HECA: variants seen among roughly 807,000 people sequenced by gnomAD.
HECA encodes HECA ribonucleoprotein granule regulator.
In HECA, 13 loss-of-function variants were observed where a neutral mutation model predicts 37.6. The observed-to-expected ratio is 0.35, with a 90% confidence interval of 0.23 to 0.55. The LOEUF is 0.55. Among genes scored for constraint, HECA ranks in the 20% least tolerant of loss-of-function variants. HECA has a pLI of 0.90. For synonymous variants in HECA, 307 were observed against 291.5 expected (o/e 1.05, Z -0.54); for missense variants, 527 against 701.9 (o/e 0.75, Z 2.82).
chr6:139,177,009 C>T lies in HECA; in HGVS notation c.1536C>T (p.Ser512=), dbSNP rs112297548. The T allele has an allele frequency of 6.9e-6, 6 of 872,750 alleles. No homozygotes were observed. The highest frequency in any genetic ancestry group is 1.6e-5 in the African/African-American group (1 of 61,398). The allele number at this position is 872,750 out of a possible 1,614,324, so 54.1% of individuals were successfully genotyped here. ...IDVRIGMQYF[S]EYSNVQQCPH... ...TGAGGATCGGGATGCAGTACTTCTCCGAATATAGCAACGTCCAGCAGTGTC... is the reference window on the plus strand; with the variant it reads ...TGAGGATCGGGATGCAGTACTTCTCTGAATATAGCAACGTCCAGCAGTGTC... The change falls in exon 4 of 4, where the codon TCC becomes TCT. Residue 512 remains serine (S), a synonymous_variant. Transcript: ENST00000367658. The surrounding 1 kb of genome is among the most constrained non-coding windows in gnomAD (Gnocchi z 4.9).
At chr6:139,149,038 A>G (rs1417846188) in intron 1 of HECA, among the ~76,000 whole-genome samples, 2 of 152,230 alleles carry the variant, frequency 1.3e-5, no homozygotes, top group Non-Finnish European at 2.9e-5. Flanking sequence ...TAAGTTGCTT[A>G]TGATAACAGA....
chr6:139,144,533 C>G (rs763141933), intron 1 of HECA: 1 of 152,590 alleles, frequency 6.6e-6, no homozygotes, highest in Non-Finnish European at 1.5e-5. Context: ...GTGTCAGGTG[C>G]CGTGGTAGGA....
rs754400708 is a variant in HECA at position 139,167,033 on chromosome 6, G to A, written c.1021G>A (p.Val341Met). Residue 341 changes from valine (V) to methionine (M), a missense_variant, in exon 2 of 4, where the codon GTG becomes ATG. Transcript: ENST00000367658. ...CAGGGGGGGACACTTCGACACCCCC[G>A]TGCAGTTCCTTCGGCGGCTGGACCT... ...VHRGGHFDTP[V>M]QFLRRLDLSE... 3.7e-6 allele frequency: 6 copies of A among 1,614,174 alleles called. No homozygotes were observed. The highest frequency in any genetic ancestry group is 2.2e-5 in the East Asian group (1 of 44,878).
intron 2 of HECA, among the ~76,000 whole-genome samples, chr6:139,167,579 A>G (rs1368188762): frequency 6.6e-6 from 1 of 152,130 alleles, no homozygotes; most frequent in Non-Finnish European, 1.5e-5. Flanking sequence ...TTGCCGGTGT[A>G]TGGTTTTGCA....
At chr6:139,142,713 C>T (rs55992635) in intron 1 of HECA, among the ~76,000 whole-genome samples, 4,280 of 152,142 alleles carry the variant, frequency 0.028, 77 homozygotes, top group East Asian at 0.054. Flanking sequence ...TTTTGGAGGC[C>T]GAGACGGGCG....
At chr6:139,175,476 T>G (rs1295705680) in intron 3 of HECA, among the ~76,000 whole-genome samples, 1 of 152,240 alleles carries the variant, frequency 6.6e-6, no homozygotes, top group Non-Finnish European at 1.5e-5. Context: ...TATTGTGCCT[T>G]GATGCCAGCT....
chr6:139,156,175 G>T (rs550236483), intron 1 of HECA, among the ~76,000 whole-genome samples: 4 of 151,714 alleles, frequency 2.6e-5, no homozygotes, highest in African/African-American at 9.7e-5. Context: ...TACATTCACT[G>T]TTACAATTTA....
At chr6:139,135,867 G>T (rs1363090434) in intron 1 of HECA, among the ~76,000 whole-genome samples, 200 bp downstream of exon 1, 1 of 151,670 alleles carries the variant, frequency 6.6e-6, no homozygotes, top group Admixed American at 6.6e-5. Context: ...CCTGCCCGGT[G>T]TCCGCGCGGG....
chr6:139,174,407 C>T lies in HECA; in HGVS notation c.1335C>T (p.Ala445=), dbSNP rs373854251. 9.3e-6 allele frequency: 15 copies of T among 1,613,640 alleles called. No homozygotes were observed. Among genetic ancestry groups the T allele is most frequent in the African/African-American group, 8.0e-5 (6 of 74,834 alleles). ...CAGGGAGACTCATGCATCTGTATGCCGTGTGCGTGGACTGCCTGGAAGGGG... is the reference window on the plus strand; with the variant it reads ...CAGGGAGACTCATGCATCTGTATGCTGTGTGCGTGGACTGCCTGGAAGGGG... The part of the protein sequence containing the change: ...HLQGRLMHLY[A]VCVDCLEGVH... Residue 445 remains alanine (A), a synonymous_variant, in exon 3 of 4, where the codon GCC becomes GCT. Transcript: ENST00000367658.
At chr6:139,172,273 G>A (rs1313177511) in intron 2 of HECA, among the ~76,000 whole-genome samples, 1 of 152,168 alleles carries the variant, frequency 6.6e-6, no homozygotes, top group African/African-American at 2.4e-5. Flanking sequence ...CTGATCATGT[G>A]TTTTTTAAAG....
At position 139,137,631 on chromosome 6, in the gene HECA, C is replaced by CTTTT. The variant is rs34487492; in HGVS notation, c.271+1978_271+1981dup. On this transcript the variant is annotated intron_variant, in intron 1 of 3. Transcript: ENST00000367658. The stretch of plus-strand genomic sequence containing the variant: ...GCTCTGCCCACCCCCCTACCAGCTC[C>CTTTT]TTTTTTTTTTTTTTTTTGGCCTATG... Among the ~76,000 whole-genome samples, 135 of 123,648 alleles carry CTTTT rather than the reference C, an allele frequency of 1.1e-3. 1 individual carries two copies. Among genetic ancestry groups the CTTTT allele is most frequent in the African/African-American group, 3.5e-3 (112 of 31,816 alleles). 81.1% of individuals were successfully genotyped at this position (123,648 alleles called of 152,430 possible).
rs868064784 is a variant in HECA at position 139,167,309 on chromosome 6, C to A, written c.1297C>A (p.Pro433Thr). Residue 433 changes from proline to threonine, a missense_variant, in exon 2 of 4, where the codon CCT becomes ACT. By Grantham distance (38) the Pro-to-Thr change is conservative (BLOSUM62 -1). Transcript: ENST00000367658. ...SRHDEIEYDVPCHLQGRLMHL... is the reference protein window; with the variant it reads ...SRHDEIEYDVTCHLQGRLMHL... ...ACATGATGAGATCGAATATGATGTTCCTTGTCACCTTCAAGGTATAGGTGT... is the reference window on the plus strand; with the variant it reads ...ACATGATGAGATCGAATATGATGTTACTTGTCACCTTCAAGGTATAGGTGT... The A allele has an allele frequency of 3.8e-6, 6 of 1,592,284 alleles. No homozygotes were observed. In the African/African-American group the frequency reaches 6.7e-5, roughly 18 times the overall value.
rs1242803086 is a variant in HECA at position 139,135,642 on chromosome 6, T to C, written c.246T>C (p.Ala82=). 9.2e-6 allele frequency: 9 copies of C among 973,620 alleles called. No homozygotes were observed. Among genetic ancestry groups the C allele is most frequent in the African/African-American group, 1.8e-5 (1 of 55,824 alleles). The allele number at this position is 973,620 out of a possible 1,614,324, so 60.3% of individuals were successfully genotyped here. A position where few individuals can be genotyped will look rare whatever the true frequency, so the allele number is the denominator to read the frequency against. The change falls in exon 1 of 4, where the codon GCT becomes GCC. Residue 82 remains alanine, a synonymous_variant. Coordinates refer to ENST00000367658, the MANE Select transcript of HECA (RefSeq NM_016217.3). ...GAANAAAAAG[A]AAAGDAKNEA... is the part of the protein sequence containing the mutation. ...CGAACGCTGCGGCCGCCGCGGGGGC[T>C]GCGGCCGCGGGCGATGCCAAAAACG...
intron 1 of HECA, among the ~76,000 whole-genome samples, chr6:139,161,628 T>G (rs1028186900): frequency 2.6e-5 from 4 of 152,238 alleles, no homozygotes; most frequent in African/African-American, 9.6e-5. Context: ...TTTCCTCTCT[T>G]AATCCACCTT....
chr6:139,171,727 A>G (rs774643619), intron 2 of HECA, among the ~76,000 whole-genome samples: 3 of 152,158 alleles, frequency 2.0e-5, no homozygotes, highest in African/African-American at 7.2e-5. Context: ...GCTGAGCTCA[A>G]GCAGTCCTCC....
At position 139,164,080 on chromosome 6, in the gene HECA, A is replaced by T. The variant is rs199775174; in HGVS notation, c.272-2204A>T. Among the ~76,000 whole-genome samples, 826 of 148,098 alleles carry T rather than the reference A, an allele frequency of 5.6e-3. 3 individuals carry two copies. Among genetic ancestry groups the T allele is most frequent in the Non-Finnish European group, 8.2e-3 (548 of 66,972 alleles). ...CACACACACACAAACACACACACACACTCTCTCTCTCTCTCTCTCTGAGCA... is the reference window on the plus strand; with the variant it reads ...CACACACACACAAACACACACACACTCTCTCTCTCTCTCTCTCTCTGAGCA... On this transcript the variant is annotated intron_variant, in intron 1 of 3. Transcript: ENST00000367658.
chr6:139,137,925 T>C (rs2114430510), intron 1 of HECA, among the ~76,000 whole-genome samples: 1 of 152,234 alleles, frequency 6.6e-6, no homozygotes, highest in East Asian at 1.9e-4. Context: ...AACATTCCCA[T>C]AGTCAGGGTC....
chr6:139,144,657 G>C (rs1334882438), intron 1 of HECA: 6 of 152,298 alleles, frequency 3.9e-5, no homozygotes, highest in Non-Finnish European at 8.8e-5. Flanking sequence ...ATTTGAAAAG[G>C]GGGTAATCAC....
chr6:139,160,671 T>G (rs1774786546), intron 1 of HECA, among the ~76,000 whole-genome samples: 1 of 152,158 alleles, frequency 6.6e-6, no homozygotes, highest in Non-Finnish European at 1.5e-5. Context: ...GGCCTCAGCC[T>G]CCCAAGTGCT....
Sources: gnomAD v4.1 joint callset for allele counts (sites outside exome capture counted in the v4.1 genomes callset) on GRCh38, gnomAD v4.1.1 for gene constraint, Gnocchi (gnomAD v3.1) non-coding constraint, MANE v1.5 for transcripts, NCBI Gene and HGNC (gene_info 2026-07-23, HGNC 2026-07-21) for gene names.